CMTM4: variants seen among roughly 807,000 people sequenced by gnomAD.
CMTM4 encodes the protein CKLF-like MARVEL transmembrane domain-containing protein 4.
A neutral mutation model predicts 19.0 loss-of-function variants in CMTM4; 8 were observed. That is an observed-to-expected ratio of 0.42 (90% CI 0.25 to 0.76). The LOEUF is 0.76. Among genes scored for constraint, CMTM4 ranks in the 30% least tolerant of loss-of-function variants. The pLI is 0.27. For missense variants in CMTM4, 228 were observed against 290.2 expected, an observed-to-expected ratio of 0.79 and a Z score of 1.56; for synonymous variants, 106 against 121.1, an observed-to-expected ratio of 0.88 and a Z score of 0.82.
chr16:66,643,644 T>C (rs2016137024), intron 1 of CMTM4, among the ~76,000 whole-genome samples: 1 of 152,232 alleles, frequency 6.6e-6, no homozygotes, highest in African/African-American at 2.4e-5. Context: ...CACTAAACGT[T>C]TTCTCCCTTT....
At chr16:66,686,397 C>T (rs1431648134) in intron 1 of CMTM4, among the ~76,000 whole-genome samples, 4 of 150,966 alleles carry the variant, frequency 2.6e-5, no homozygotes, top group South Asian at 2.1e-4. Flanking sequence ...CCTATCTCTA[C>T]AAAAAATACA....
downstream of CMTM4, among the ~76,000 whole-genome samples, chr16:66,610,679 G>C (rs1023156562): frequency 6.6e-6 from 1 of 152,166 alleles, no homozygotes; most frequent in African/African-American, 2.4e-5. The surrounding 1 kb of genome is among the most constrained non-coding windows in gnomAD (Gnocchi z 4.6). Context: ...GCTTCTGCCT[G>C]GGGAGATGCT....
At chr16:66,660,305 T>C (rs2016477118) in intron 1 of CMTM4, among the ~76,000 whole-genome samples, 1 of 150,808 alleles carries the variant, frequency 6.6e-6, no homozygotes, top group Non-Finnish European at 1.5e-5. Context: ...GGAGGATTGC[T>C]TGAGCCTGGG....
chr16:66,684,616 C>CA (rs1341622873), intron 1 of CMTM4, among the ~76,000 whole-genome samples: 1 of 152,188 alleles, frequency 6.6e-6, no homozygotes, highest in Non-Finnish European at 1.5e-5. Flanking sequence ...GAACACCCCC[C>CA]AACCCACTGC....
intron 1 of CMTM4, among the ~76,000 whole-genome samples, chr16:66,691,857 T>C (rs576528563): frequency 6.6e-6 from 1 of 152,344 alleles, no homozygotes; most frequent in South Asian, 2.1e-4. Flanking sequence ...CACATAATTA[T>C]GTTTTTGGTG....
intron 1 of CMTM4, among the ~76,000 whole-genome samples, chr16:66,664,053 T>C (rs2016548425): frequency 6.6e-6 from 1 of 151,856 alleles, no homozygotes; most frequent in African/African-American, 2.4e-5. Context: ...GCCAACATGG[T>C]GAAACTCTGT....
the CMTM4 span, chr16:66,605,093 C>T: frequency 8.3e-6 from 7 of 844,816 alleles, no homozygotes; most frequent in Non-Finnish European, 9.7e-6. This position sits in a 1 kb window ranked among gnomAD's most constrained non-coding sequence, Gnocchi z 4.6. Flanking sequence ...CGACTTCTCT[C>T]GGGCGCCTGG....
At chr16:66,612,284 T>G (rs899189310), downstream of CMTM4, among the ~76,000 whole-genome samples, 4 of 152,100 alleles carry the variant, frequency 2.6e-5, no homozygotes, top group African/African-American at 9.7e-5. This position sits in a 1 kb window ranked among gnomAD's most constrained non-coding sequence, Gnocchi z 6.0. Context: ...CACACGCTTA[T>G]AATCCCAGCT....
chr16:66,661,749 G>C (rs1442546144), intron 1 of CMTM4, among the ~76,000 whole-genome samples: 1 of 151,994 alleles, frequency 6.6e-6, no homozygotes, highest in African/African-American at 2.4e-5. Context: ...GGCCAACACG[G>C]TGAAACCCCC....
At chr16:66,685,399 T>C (rs1202075923) in intron 1 of CMTM4, among the ~76,000 whole-genome samples, 1 of 151,784 alleles carries the variant, frequency 6.6e-6, no homozygotes, top group African/African-American at 2.4e-5. Flanking sequence ...GGAAGACTGC[T>C]GTGGGGGAAG....
At chr16:66,609,924 C>G, downstream of CMTM4, 1 of 1,614,176 alleles carries the variant, frequency 6.2e-7, no homozygotes, top group Non-Finnish European at 8.5e-7. This position sits in a 1 kb window ranked among gnomAD's most constrained non-coding sequence, Gnocchi z 4.4. Context: ...CAACTGATTT[C>G]TACCTGATCT....
chr16:66,609,461 C>T, the CMTM4 span: 3 of 1,612,956 alleles, frequency 1.9e-6, no homozygotes, highest in South Asian at 2.2e-5. This position sits in a 1 kb window ranked among gnomAD's most constrained non-coding sequence, Gnocchi z 4.4. Context: ...TCACCGCGGC[C>T]CTCATCTACT....
rs537409253 is a variant in CMTM4, at chr16:66,631,193, G to A, written c.363+5212C>T. ...GGGGTCAGCCCCCGCCCGGCCAGCC[G>A]CCCTGTCCGGGAGGGAGGTGGGGGG... On this transcript the variant is annotated intron_variant, in intron 2 of 3. Transcript: ENST00000394106. Among the ~76,000 whole-genome samples the A allele has an allele frequency of 7.0e-3, 1,033 of 148,594 alleles. 9 individuals are homozygous for A. Among genetic ancestry groups the A allele is most frequent in the African/African-American group, 0.025 (996 of 39,952 alleles).
In CMTM4 at chr16:66,618,403, A is replaced by G. The variant is rs913416067; in HGVS notation, c.*3655T>C. ...CCTTAAATCATCACTGCCTTGCAGAATCACTAAATTGTTCAGGTGTCTCCA... is the reference window on the plus strand; with the variant it reads ...CCTTAAATCATCACTGCCTTGCAGAGTCACTAAATTGTTCAGGTGTCTCCA... On this transcript the variant is annotated 3_prime_UTR_variant, in exon 4 of 4. Transcript: ENST00000394106. The G allele has an allele frequency of 1.0e-6, 1 of 985,364 alleles. No homozygotes were observed. The highest frequency in any genetic ancestry group is 1.7e-5 in the African/African-American group (1 of 57,252). The allele number at this position is 985,364 out of a possible 1,614,324, so 61.0% of individuals were successfully genotyped here.
At position 66,636,366 on chromosome 16, in the gene CMTM4, C is replaced by T. The variant is rs368987771; in HGVS notation, c.363+39G>A. 7.0e-6 allele frequency: 11 copies of T among 1,570,180 alleles called. No homozygotes were observed. In the East Asian group the frequency reaches 9.0e-5, roughly 13 times the overall value. On this transcript the variant is annotated intron_variant, in intron 2 of 3. Coordinates refer to ENST00000394106, the MANE Select transcript of CMTM4 (RefSeq NM_181521.3). ...AGCTTTTCCTTGGAGCCAACAGGCA[C>T]GTGATCCTTTCATGGCCAGAGTGGC...
intron 2 of CMTM4, among the ~76,000 whole-genome samples, chr16:66,634,061 G>A (rs1481189120): frequency 6.6e-6 from 1 of 152,102 alleles, no homozygotes; most frequent in Admixed American, 6.5e-5. Flanking sequence ...CAACATGACC[G>A]GTGACATGGT....
intron 1 of CMTM4, among the ~76,000 whole-genome samples, chr16:66,657,848 A>G (rs1243118642): frequency 6.6e-6 from 1 of 152,232 alleles, no homozygotes; most frequent in Non-Finnish European, 1.5e-5. Context: ...TACAAACTGT[A>G]TTTCAGGAAA....
the CMTM4 span, among the ~76,000 whole-genome samples, chr16:66,598,508 G>T: frequency 7.9e-5 from 12 of 152,114 alleles, no homozygotes; most frequent in Non-Finnish European, 7.3e-5. Flanking sequence ...GACAAATGTA[G>T]GTCCCTGTGT....
In CMTM4 at chr16:66,621,658, T is replaced by C; in HGVS notation, c.*400A>G. 3.0e-6 allele frequency: 3 copies of C among 1,015,182 alleles called. No homozygotes were observed. Among genetic ancestry groups the C allele is most frequent in the Non-Finnish European group, 2.4e-6 (2 of 846,148 alleles). The allele number at this position is 1,015,182 out of a possible 1,614,324, so 62.9% of individuals were successfully genotyped here. On this transcript the variant is annotated 3_prime_UTR_variant, in exon 4 of 4. Coordinates refer to ENST00000394106, the MANE Select transcript of CMTM4 (RefSeq NM_181521.3). ...GGAGCAGGTGGTGCCTAAGGCTGCC[T>C]GAGAACCACTGCCGACTGACCGTTC... is the stretch of plus-strand genomic sequence containing the variant.
Sources: gnomAD v4.1 joint callset for allele counts (sites outside exome capture counted in the v4.1 genomes callset) on GRCh38, gnomAD v4.1.1 for gene constraint, Gnocchi (gnomAD v3.1) non-coding constraint, MANE v1.5 for transcripts, NCBI Gene and HGNC (gene_info 2026-07-23, HGNC 2026-07-21) for gene names.